LUC7L: variants seen among roughly 807,000 people sequenced by gnomAD.
The protein encoded by LUC7L is LUC7 like.
LUC7L carries 29 observed loss-of-function variants against 51.1 expected under a neutral mutation model. That is an observed-to-expected ratio of 0.57 (90% confidence interval 0.42 to 0.77). The LOEUF (loss-of-function observed/expected upper bound fraction) is 0.77. Among genes scored for constraint, LUC7L ranks in the 30% least tolerant of loss-of-function variants. LUC7L has a pLI of 0.00. For synonymous variants in LUC7L, 181 were observed against 180.7 expected (o/e 1.00, Z -0.01); for missense variants, 403 against 511.9 (o/e 0.79, Z 2.05).
At chr16:223,342 C>T (rs1380767556) in intron 2 of LUC7L, among the ~76,000 whole-genome samples, 1 of 151,858 alleles carries the variant, frequency 6.6e-6, no homozygotes, top group Non-Finnish European at 1.5e-5. Flanking sequence ...GAGCGAGACT[C>T]CGTCTCAAAA....
At chr16:219,347 C>T (rs896165499) in intron 3 of LUC7L, among the ~76,000 whole-genome samples, 1 of 151,944 alleles carries the variant, frequency 6.6e-6, no homozygotes, top group Admixed American at 6.6e-5. Context: ...CAAGATGGTG[C>T]CACTGCACTC....
At chr16:212,371 T>C (rs767611589) in intron 3 of LUC7L, among the ~76,000 whole-genome samples, 12 of 152,088 alleles carry the variant, frequency 7.9e-5, no homozygotes, top group Admixed American at 1.3e-4. Context: ...ACCAAACCAC[T>C]AAGTAAGCAA....
rs1010124123 is a variant in LUC7L, at chr16:214,978, G to C, written c.255+5671C>G. ...CCCAGAACTTCGAAGACTGAAGTAGGAGAATAGCTTGAGGCCAGGAGTTGG... is the reference window on the plus strand; with the variant it reads ...CCCAGAACTTCGAAGACTGAAGTAGCAGAATAGCTTGAGGCCAGGAGTTGG... On this transcript the variant is annotated intron_variant, in intron 3 of 9. Transcript: ENST00000293872. Among the ~76,000 whole-genome samples, 7 of 152,296 alleles carry C rather than the reference G, an allele frequency of 4.6e-5. No individual in the cohort carries two copies. The Middle Eastern group carries it at 0.02, about 444-fold the overall frequency.
At chr16:197,363 C>A (rs566049210) in intron 6 of LUC7L, among the ~76,000 whole-genome samples, 1 of 152,016 alleles carries the variant, frequency 6.6e-6, no homozygotes, top group African/African-American at 2.4e-5. Context: ...CAGGCGCCCG[C>A]TGCCATGCCT....
At chr16:219,263 C>T (rs1390443993) in intron 3 of LUC7L, among the ~76,000 whole-genome samples, 1 of 152,100 alleles carries the variant, frequency 6.6e-6, no homozygotes, top group Non-Finnish European at 1.5e-5. Context: ...GTGGCGCATG[C>T]CTGTCATCCC....
intron 1 of LUC7L, 193 bp from the exon 2 acceptor site, chr16:227,529 C>T (rs2050161285): frequency 1.4e-6 from 2 of 1,414,322 alleles, no homozygotes; most frequent in East Asian, 5.3e-5. Flanking sequence ...CTAGTTATAT[C>T]ATGGAGAATC....
rs2050218643 is a variant in LUC7L, at chr16:229,432, G to C, written c.-93C>G. Reference sequence around the variant, plus strand: ...GACAAACGATGGTCGCGTCGGCCTCGAGCCCACTCGGCTCTTTCCCGCCGC... The same window carrying C: ...GACAAACGATGGTCGCGTCGGCCTCCAGCCCACTCGGCTCTTTCCCGCCGC... On this transcript the variant is annotated 5_prime_UTR_variant, in exon 1 of 10. Coordinates refer to ENST00000293872, the MANE Select transcript of LUC7L (RefSeq NM_201412.3). 5.2e-6 allele frequency: 6 copies of C among 1,160,872 alleles called. No individual in the cohort carries two copies. The highest frequency in any genetic ancestry group is 3.4e-5 in the South Asian group (2 of 59,616). The allele number at this position is 1,160,872 out of a possible 1,614,324, so 71.9% of individuals were successfully genotyped here.
At chr16:205,771 T>C (rs1347244083) in intron 5 of LUC7L, among the ~76,000 whole-genome samples, 1 of 152,156 alleles carries the variant, frequency 6.6e-6, no homozygotes, top group East Asian at 1.9e-4. Context: ...TTTGTATTTT[T>C]AGTAGAGACG....
chr16:227,367 A>G, intron 1 of LUC7L, 31 bp from the exon 2 acceptor site: 4 of 1,578,190 alleles, frequency 2.5e-6, no homozygotes, highest in Non-Finnish European at 2.6e-6. Flanking sequence ...TAAATAAGAC[A>G]ATATTATCAC....
intron 4 of LUC7L, among the ~76,000 whole-genome samples, chr16:207,760 A>G (rs960555914): frequency 2.0e-5 from 3 of 152,230 alleles, no homozygotes; most frequent in African/African-American, 7.2e-5. Context: ...CTGTAATCCC[A>G]GCACTTTGGG....
At chr16:206,628 GAAGAGTGATGTA>G (rs1431841369) in intron 4 of LUC7L, among the ~76,000 whole-genome samples, 1 of 152,136 alleles carries the variant, frequency 6.6e-6, no homozygotes, top group African/African-American at 2.4e-5. Flanking sequence ...GAGAAAAACA[GAAGAGTGATGTA>G]AATGGCACTC....
At chr16:215,249 A>G (rs1314907611) in intron 3 of LUC7L, among the ~76,000 whole-genome samples, 2 of 152,184 alleles carry the variant, frequency 1.3e-5, no homozygotes, top group African/African-American at 4.8e-5. Context: ...GCACTTTGGG[A>G]GAGTGAGGCG....
chr16:189,040 C>G lies in LUC7L; in HGVS notation c.*158G>C. 1.3e-6 allele frequency: 1 copy of G among 794,828 alleles called. No individual in the cohort carries two copies. The highest frequency in any genetic ancestry group is 2.0e-6 in the Non-Finnish European group (1 of 503,820). 49.2% of individuals were successfully genotyped at this position (794,828 alleles called of 1,614,324 possible). A position where few individuals can be genotyped will look rare whatever the true frequency, so the allele number is the denominator to read the frequency against. ...ATTCCTACTCAACATGACCCGGGAA[C>G]ACAGGAGCAACTCTGTACACTTCTA... On this transcript the variant is annotated 3_prime_UTR_variant, in exon 10 of 10. Coordinates refer to ENST00000293872, the MANE Select transcript of LUC7L (RefSeq NM_201412.3).
intron 2 of LUC7L, 76 bp downstream of exon 2, chr16:227,166 C>T (rs2050153383): frequency 3.3e-6 from 4 of 1,223,204 alleles, no homozygotes; most frequent in Non-Finnish European, 4.7e-6. Flanking sequence ...AAACAAAATT[C>T]AACATAGAAA....
chr16:217,244 C>T (rs1258803128), intron 3 of LUC7L, among the ~76,000 whole-genome samples: 2 of 151,876 alleles, frequency 1.3e-5, no homozygotes, highest in East Asian at 3.9e-4. Context: ...CTTCAACTCC[C>T]GACCTCAGGT....
intron 3 of LUC7L, among the ~76,000 whole-genome samples, chr16:212,022 G>A (rs545713827): frequency 5.6e-4 from 86 of 152,316 alleles, no homozygotes; most frequent in African/African-American, 1.7e-3. Flanking sequence ...GGCCGGGCGC[G>A]GTGGCTCACG....
intron 5 of LUC7L, among the ~76,000 whole-genome samples, chr16:204,290 A>G (rs1229335228): frequency 2.8e-5 from 4 of 145,210 alleles, no homozygotes; most frequent in Admixed American, 6.9e-5. Context: ...CTAGAAATGA[A>G]AAAAAAAAAA....
intron 3 of LUC7L, among the ~76,000 whole-genome samples, chr16:219,794 G>C (rs1290512219): frequency 2.0e-5 from 3 of 151,994 alleles, no homozygotes; most frequent in African/African-American, 7.2e-5. Flanking sequence ...GCTTGAACCT[G>C]GGAGGAGTAG....
chr16:227,668 T>A, intron 1 of LUC7L: 1 of 1,096,926 alleles, frequency 9.1e-7, no homozygotes, highest in Non-Finnish European at 1.1e-6. Context: ...CCCAAGCTAA[T>A]CAGAGGTCCA....
Sources: allele counts gnomAD v4.1 joint callset (sites outside exome capture counted in the v4.1 genomes callset), GRCh38; gene constraint gnomAD v4.1.1; transcripts MANE v1.5; gene names NCBI Gene and HGNC (gene_info 2026-07-23, HGNC 2026-07-21).